The following ARHGAP6 variants were observed in gnomAD, a reference collection of about 807,000 sequenced individuals.
ARHGAP6 encodes rho GTPase-activating protein 6.
ARHGAP6 carries 16 observed loss-of-function variants against 55.7 expected under a neutral mutation model. That is an observed-to-expected ratio of 0.29 (90% CI 0.19 to 0.44). The LOEUF is 0.44. Ranked by LOEUF, ARHGAP6 falls within the 20% of genes least tolerant of loss-of-function variation. The pLI, the probability that ARHGAP6 is intolerant of heterozygous loss-of-function variation, is 1.00. For missense variants in ARHGAP6, 698 were observed against 808.9 expected (o/e 0.86, Z 1.66); for synonymous variants, 382 against 360.9 (o/e 1.06, Z -0.66).
intron 2 of ARHGAP6, among the ~76,000 whole-genome samples, chrX:11,236,678 C>T (rs751992297): frequency 2.7e-5 from 3 of 112,243 alleles, no homozygotes; most frequent in African/African-American, 9.7e-5. Context: ...TGTCAACACA[C>T]GATCCATTGG....
At chrX:11,312,946 C>T (rs1261259346) in intron 1 of ARHGAP6, among the ~76,000 whole-genome samples, 2 of 112,054 alleles carry the variant, frequency 1.8e-5, no homozygotes, top group Non-Finnish European at 3.8e-5. Flanking sequence ...ACAACCTAGC[C>T]ATCTGCTCTT....
intron 1 of ARHGAP6, among the ~76,000 whole-genome samples, chrX:11,502,608 G>A (rs1258580875): frequency 2.7e-5 from 3 of 111,319 alleles, no homozygotes; most frequent in Non-Finnish European, 1.9e-5. Context: ...ACCCCTCCTC[G>A]ACCTCCTTTT....
chrX:11,298,184 T>C (rs767685604), intron 1 of ARHGAP6: 2 of 1,208,789 alleles, frequency 1.7e-6, no homozygotes, highest in South Asian at 1.8e-5. Context: ...AGTTTCTATA[T>C]TGGATGAAAG....
At chrX:11,471,289 A>G (rs2050344171) in intron 1 of ARHGAP6, among the ~76,000 whole-genome samples, 1 of 112,250 alleles carries the variant, frequency 8.9e-6, no homozygotes, top group Admixed American at 9.4e-5. Context: ...AAAGCCTTTC[A>G]CACTTGAAAG....
intron 9 of ARHGAP6, among the ~76,000 whole-genome samples, chrX:11,165,471 G>A (rs1300630000): frequency 9.0e-6 from 1 of 111,614 alleles, no homozygotes; most frequent in East Asian, 2.8e-4. Context: ...ACCCAAACAC[G>A]CTTTGATAGA....
chrX:11,413,777 C>T (rs1015733028), intron 1 of ARHGAP6, among the ~76,000 whole-genome samples: 2 of 111,918 alleles, frequency 1.8e-5, no homozygotes, highest in Non-Finnish European at 3.8e-5. Flanking sequence ...GCAAAATAAA[C>T]CATGAAACAT....
At chrX:11,296,902 G>A in intron 1 of ARHGAP6, 1 of 1,103,374 alleles carries the variant, frequency 9.1e-7, no homozygotes, top group East Asian at 3.0e-5. Context: ...ATAGTGTGTT[G>A]ATTCTTTATC....
intron 1 of ARHGAP6, among the ~76,000 whole-genome samples, chrX:11,628,147 A>T (rs902254212): frequency 8.9e-6 from 1 of 112,335 alleles, no homozygotes; most frequent in Admixed American, 9.4e-5. Context: ...ACAGCTTTAA[A>T]AACAGCTGAC....
At chrX:11,352,701 A>G (rs1180703068) in intron 1 of ARHGAP6, among the ~76,000 whole-genome samples, 1 of 111,780 alleles carries the variant, frequency 8.9e-6, no homozygotes, top group Non-Finnish European at 1.9e-5. Context: ...TTGGTGTTGT[A>G]TCTCTCTTAC....
intron 8 of ARHGAP6, among the ~76,000 whole-genome samples, chrX:11,174,563 TTCCTTC>T (rs1569241060): frequency 8.3e-5 from 7 of 84,260 alleles, no homozygotes; most frequent in African/African-American, 2.6e-4. Context: ...CCTTCCTTCC[TTCCTTC>T]CTTCCTTTCT....
chrX:11,628,952 A>T (rs1448611794), intron 1 of ARHGAP6, among the ~76,000 whole-genome samples: 1 of 108,960 alleles, frequency 9.2e-6, no homozygotes, highest in African/African-American at 3.4e-5. Context: ...AATTATTATT[A>T]CTGTCATATG....
chrX:11,552,601 GAC>G (rs769582716), intron 1 of ARHGAP6, among the ~76,000 whole-genome samples: 1,159 of 35,901 alleles, frequency 0.032, 26 homozygotes, highest in Middle Eastern at 0.13. Context: ...TATATATATA[GAC>G]ACACACACAC....
At chrX:11,579,758 T>C (rs1447405173) in intron 1 of ARHGAP6, among the ~76,000 whole-genome samples, 1 of 112,145 alleles carries the variant, frequency 8.9e-6, no homozygotes, top group African/African-American at 3.2e-5. Flanking sequence ...GCCATATTTT[T>C]AGAGGGAAAT....
At chrX:11,406,600 G>C (rs1416800230) in intron 1 of ARHGAP6, among the ~76,000 whole-genome samples, 1 of 111,204 alleles carries the variant, frequency 9.0e-6, no homozygotes, top group African/African-American at 3.3e-5. Flanking sequence ...CATATAAAAA[G>C]CATCCTAGTA....
chrX:11,190,612 T>G (rs946869780), intron 3 of ARHGAP6, among the ~76,000 whole-genome samples: 6 of 109,720 alleles, frequency 5.5e-5, no homozygotes, highest in Admixed American at 9.8e-5. Flanking sequence ...ATGTGGATGG[T>G]AAGGCTGACA....
chrX:11,478,050 G>C (rs1046020040), intron 1 of ARHGAP6, among the ~76,000 whole-genome samples: 1 of 111,594 alleles, frequency 9.0e-6, no homozygotes, highest in African/African-American at 3.3e-5. Context: ...CCTTCAGTAT[G>C]ACTAAAATTA....
intron 1 of ARHGAP6, among the ~76,000 whole-genome samples, chrX:11,616,322 T>TTTTTTG (rs1319610888): frequency 6.3e-5 from 7 of 110,763 alleles, no homozygotes; most frequent in Middle Eastern, 4.6e-3. Context: ...AATAAACCTC[T>TTTTTTG]TTTTTCTTTT....
chrX:11,571,402 A>G (rs1286615918), intron 1 of ARHGAP6, among the ~76,000 whole-genome samples: 1 of 110,841 alleles, frequency 9.0e-6, no homozygotes. Flanking sequence ...TAGTAGGTAG[A>G]ATTCTAAGGA....
At chrX:11,194,795 C>A (rs2046508113) in intron 3 of ARHGAP6, among the ~76,000 whole-genome samples, 1 of 111,836 alleles carries the variant, frequency 8.9e-6, no homozygotes, top group Admixed American at 9.5e-5. Flanking sequence ...AACCAAATGT[C>A]ATGACTGTTC....
Sources: gnomAD v4.1 joint callset for allele counts (sites outside exome capture counted in the v4.1 genomes callset) on GRCh38, gnomAD v4.1.1 for gene constraint, MANE v1.5 for transcripts, NCBI Gene and HGNC (gene_info 2026-07-23, HGNC 2026-07-21) for gene names.